The following POMT2 variants were observed in gnomAD, a reference collection of about 807,000 sequenced individuals.
POMT2 encodes protein O-mannosyltransferase 2, also known as protein O-mannosyl-transferase 2.
In POMT2, 75 loss-of-function variants were observed where a neutral mutation model predicts 100.0. That is an observed-to-expected ratio of 0.75 (90% CI 0.62 to 0.91). The LOEUF (loss-of-function observed/expected upper bound fraction) is 0.91. Ranked by LOEUF, POMT2 falls within the 40% of genes least tolerant of loss-of-function variation. The probability of loss-of-function intolerance (pLI) is 0.00; values close to 1 mark genes in which losing one functional copy is unlikely to be tolerated. For missense variants in POMT2, 940 were observed against 955.1 expected, an observed-to-expected ratio of 0.98 and a Z score of 0.21; for synonymous variants, 378 against 374.1, an observed-to-expected ratio of 1.01 and a Z score of -0.12.
Position 77,278,742 on chromosome 14 carries a change from T to C in POMT2, c.2019A>G (p.Ser673=). 1 of 1,613,864 alleles carries C rather than the reference T, an allele frequency of 6.2e-7. No individual in the cohort carries two copies. The highest frequency in any genetic ancestry group is 8.5e-7 in the Non-Finnish European group (1 of 1,179,914). The part of the protein sequence containing the change: ...FHHYFPAMLF[S]SMLTGILWDT... ...GGTGGCACTGACCTGTCAACATGCTTGAGAAGAGCATGGCTGGGAAGTAGT... is the reference window on the plus strand; with the variant it reads ...GGTGGCACTGACCTGTCAACATGCTCGAGAAGAGCATGGCTGGGAAGTAGT... Residue 673 remains serine, a synonymous_variant, in exon 19 of 21, where the codon TCA becomes TCG. Coordinates refer to ENST00000261534, the MANE Select transcript of POMT2 (RefSeq NM_013382.7).
chr14:77,311,160 A>C (rs537865343), intron 2 of POMT2, among the ~76,000 whole-genome samples: 1 of 152,310 alleles, frequency 6.6e-6, no homozygotes, highest in East Asian at 1.9e-4. Context: ...AAAAAGAGTA[A>C]AGTGAATTCT....
chr14:77,318,983 G>A (rs913900793), intron 1 of POMT2, among the ~76,000 whole-genome samples: 14 of 152,104 alleles, frequency 9.2e-5, no homozygotes, highest in Admixed American at 2.0e-4. Flanking sequence ...TGATCTGCCC[G>A]CCTCGGCCTC....
At chr14:77,313,590 T>G (rs182545559) in intron 1 of POMT2, among the ~76,000 whole-genome samples, 1 of 152,372 alleles carries the variant, frequency 6.6e-6, no homozygotes, top group Admixed American at 6.5e-5. Context: ...GATTATAAAG[T>G]ACCATCCCTG....
At chr14:77,284,891 A>G in intron 14 of POMT2, 59 bp downstream of exon 14, 2 of 1,435,674 alleles carry the variant, frequency 1.4e-6, no homozygotes, top group Non-Finnish European at 2.0e-6. Context: ...CTTTTCTAAG[A>G]TAAGGGTTTC....
intron 6 of POMT2, 47 bp from the exon 7 acceptor site, chr14:77,299,608 T>C (rs774289183): frequency 2.2e-6 from 3 of 1,382,934 alleles, no homozygotes; most frequent in Non-Finnish European, 3.1e-6. Context: ...GAGACCTCAT[T>C]ATTCCTTAGG....
intron 2 of POMT2, chr14:77,308,719 A>G (rs1566660289): frequency 2.2e-6 from 1 of 448,228 alleles, no homozygotes; most frequent in Non-Finnish European, 4.4e-6. Flanking sequence ...AAGCACTGTC[A>G]TACACTGTTG....
chr14:77,318,424 G>A (rs1399019172), intron 1 of POMT2, among the ~76,000 whole-genome samples: 2 of 152,100 alleles, frequency 1.3e-5, no homozygotes, highest in South Asian at 2.1e-4. Context: ...ACTCCCAAAC[G>A]CAGACCTCCC....
chr14:77,316,636 G>T (rs1891641049), intron 1 of POMT2, among the ~76,000 whole-genome samples: 1 of 148,238 alleles, frequency 6.7e-6, no homozygotes, highest in African/African-American at 2.5e-5. Flanking sequence ...TTTACGTGAA[G>T]AAGTGGCAGC....
intron 4 of POMT2, 71 bp from the exon 5 acceptor site, chr14:77,303,014 T>G: frequency 1.7e-6 from 2 of 1,164,688 alleles, no homozygotes; most frequent in South Asian, 1.3e-5. Flanking sequence ...AGCACCCCAG[T>G]AGTAGGAAAC....
chr14:77,306,089 A>C (rs1891219298), intron 3 of POMT2, among the ~76,000 whole-genome samples: 1 of 152,196 alleles, frequency 6.6e-6, no homozygotes, highest in South Asian at 2.1e-4. Flanking sequence ...GCAGGGCAGC[A>C]GGTGACAATG....
intron 1 of POMT2, among the ~76,000 whole-genome samples, chr14:77,318,044 G>T (rs1891693107): frequency 6.6e-6 from 1 of 152,170 alleles, no homozygotes; most frequent in African/African-American, 2.4e-5. Flanking sequence ...GGGGATAAAT[G>T]GAGAAAAGGT....
chr14:77,293,315 T>C (rs2140209994), intron 9 of POMT2, among the ~76,000 whole-genome samples: 1 of 152,288 alleles, frequency 6.6e-6, no homozygotes, highest in Admixed American at 6.5e-5. Context: ...CAATTATGAT[T>C]AAAATTCCTA....
At chr14:77,280,198 G>A in intron 16 of POMT2, 118 bp from the exon 17 acceptor site, 1 of 1,585,114 alleles carries the variant, frequency 6.3e-7, no homozygotes, top group Non-Finnish European at 8.6e-7. Flanking sequence ...ACCTCAGGCT[G>A]GCAAATTCTA....
At chr14:77,301,047 C>T in intron 6 of POMT2, 43 bp downstream of exon 6, 2 of 1,612,938 alleles carry the variant, frequency 1.2e-6, no homozygotes, top group Admixed American at 1.7e-5. Context: ...TCAGCAACAT[C>T]AGGGAGCAAA....
intron 9 of POMT2, among the ~76,000 whole-genome samples, chr14:77,294,270 C>T (rs1195503409): frequency 6.6e-6 from 1 of 152,162 alleles, no homozygotes; most frequent in South Asian, 2.1e-4. Flanking sequence ...GGGAGGGACC[C>T]GGTGGGAGAT....
intron 1 of POMT2, among the ~76,000 whole-genome samples, chr14:77,317,823 C>T (rs564069677): frequency 1.3e-5 from 2 of 152,338 alleles, no homozygotes; most frequent in African/African-American, 4.8e-5. Context: ...GAGGAGGAGG[C>T]TATCTATGTA....
chr14:77,304,915 T>G (rs929556316), intron 3 of POMT2, 115 bp from the exon 4 acceptor site: 10 of 1,512,358 alleles, frequency 6.6e-6, no homozygotes, highest in Middle Eastern at 4.5e-4. Context: ...ATGACTTTGG[T>G]GACCTAAAGT....
In POMT2 at chr14:77,304,729, G is replaced by A. The variant is rs1891165201; in HGVS notation, c.510C>T (p.Leu170=). ...YLTVLDLSKS[L]SAALLTAALL... The stretch of plus-strand genomic sequence containing the variant: ...GGGCAGCTGTGAGCAGTGCTGCCGA[G>A]AGGGACTTGGACAGATCCAGTACAG... Residue 170 remains leucine, a synonymous_variant, in exon 4 of 21, where the codon CTC becomes CTT. Coordinates refer to ENST00000261534, the MANE Select transcript of POMT2 (RefSeq NM_013382.7). The A allele has an allele frequency of 1.3e-6, 2 of 1,599,210 alleles. No homozygotes were observed. The highest frequency in any genetic ancestry group is 1.7e-6 in the Non-Finnish European group (2 of 1,173,870).
At position 77,278,874 on chromosome 14, in the gene POMT2, G is replaced by A; in HGVS notation, c.1892-5C>T. ...GAAGCAGGACCTGGGACAACCCTGG[G>A]CCCAAGCAGCACAGCCCAGTCAGAA... On this transcript the variant is annotated splice_polypyrimidine_tract_variant and splice_region_variant and intron_variant, in intron 18 of 20. Transcript: ENST00000261534. 1.9e-6 allele frequency: 3 copies of A among 1,612,698 alleles called. No individual in the cohort carries two copies. Among genetic ancestry groups the A allele is most frequent in the South Asian group, 2.2e-5 (2 of 91,038 alleles).
Sources: gnomAD v4.1 joint callset for allele counts (sites outside exome capture counted in the v4.1 genomes callset) on GRCh38, gnomAD v4.1.1 for gene constraint, MANE v1.5 for transcripts, NCBI Gene and HGNC (gene_info 2026-07-23, HGNC 2026-07-21) for gene names.